MLLT3: variants seen among roughly 807,000 people sequenced by gnomAD.
MLLT3 encodes MLLT3 super elongation complex subunit.
MLLT3 carries 4 observed loss-of-function variants against 53.2 expected under a neutral mutation model. The observed-to-expected ratio is 0.08, with a 90% CI of 0.04 to 0.17. The LOEUF is 0.17. MLLT3 is among the 10% of genes least tolerant of loss of function. The pLI is 1.00. For missense variants in MLLT3, 569 were observed against 684.0 expected (o/e 0.83, Z 1.87); for synonymous variants, 283 against 230.6 (o/e 1.23, Z -2.06).
intron 2 of MLLT3, among the ~76,000 whole-genome samples, chr9:20,510,555 T>G: frequency 7.0e-6 from 1 of 142,182 alleles, no homozygotes; most frequent in African/African-American, 2.7e-5. Flanking sequence ...GAGGTTGCAG[T>G]GAGCCAAGAT....
intron 2 of MLLT3, among the ~76,000 whole-genome samples, chr9:20,606,409 C>T (rs898703393): frequency 2.6e-5 from 4 of 151,976 alleles, no homozygotes; most frequent in African/African-American, 7.2e-5. Flanking sequence ...AGGTTCCTGC[C>T]GTACCCCCTT....
chr9:20,594,492 G>T (rs1450460859), intron 2 of MLLT3, among the ~76,000 whole-genome samples: 2 of 152,164 alleles, frequency 1.3e-5, no homozygotes, highest in African/African-American at 4.8e-5. Flanking sequence ...GGGGCAATAT[G>T]TCAGAGGTGT....
chr9:20,401,113 C>T (rs1439742036), intron 5 of MLLT3, among the ~76,000 whole-genome samples: 7 of 152,004 alleles, frequency 4.6e-5, no homozygotes, highest in Admixed American at 2.0e-4. Context: ...GAATCATAAG[C>T]AAATGAAATA....
intron 2 of MLLT3, among the ~76,000 whole-genome samples, chr9:20,558,619 TAC>T (rs1819122774): frequency 1.3e-5 from 2 of 152,298 alleles, no homozygotes; most frequent in Admixed American, 6.5e-5. Flanking sequence ...TTGTGTGAAA[TAC>T]AGATTCCTGG....
At chr9:20,447,341 G>C (rs1302737456) in intron 4 of MLLT3, among the ~76,000 whole-genome samples, 2 of 152,138 alleles carry the variant, frequency 1.3e-5, no homozygotes, top group African/African-American at 4.8e-5. Flanking sequence ...GATGATCCTG[G>C]AGAAAAGAAC....
chr9:20,352,347 G>T (rs558795332), intron 10 of MLLT3, among the ~76,000 whole-genome samples: 20 of 152,320 alleles, frequency 1.3e-4, no homozygotes, highest in African/African-American at 4.1e-4. Context: ...GAAAGATCAT[G>T]CAATAGATCT....
intron 2 of MLLT3, among the ~76,000 whole-genome samples, chr9:20,461,464 T>G (rs1424794783): frequency 1.3e-5 from 2 of 152,144 alleles, no homozygotes; most frequent in African/African-American, 4.8e-5. Context: ...AAGTCCTTAC[T>G]GAAAATTTTA....
intron 2 of MLLT3, among the ~76,000 whole-genome samples, chr9:20,517,019 C>A (rs989269571): frequency 6.6e-6 from 1 of 152,096 alleles, no homozygotes; most frequent in Non-Finnish European, 1.5e-5. Flanking sequence ...TATACTTACG[C>A]AGTTTTTGTA....
intron 2 of MLLT3, among the ~76,000 whole-genome samples, chr9:20,608,600 T>C (rs927807358): frequency 6.6e-6 from 1 of 152,050 alleles, no homozygotes; most frequent in African/African-American, 2.4e-5. Context: ...TTATGAAACA[T>C]TGTGCAAATA....
At position 20,507,136 on chromosome 9, in the gene MLLT3, G is replaced by C. The variant is rs1172563990; in HGVS notation, c.194-50350C>G. Among the ~76,000 whole-genome samples, 6 of 152,170 alleles carry C rather than the reference G, an allele frequency of 3.9e-5. 1 individual carries two copies. In the East Asian group the frequency reaches 1.2e-3, roughly 29 times the overall value. On this transcript the variant is annotated intron_variant, in intron 2 of 10. Transcript: ENST00000380338. ...CGGTGTCTACATTTGAAAGAGAACT[G>C]TTTCTTAAAACATCACTTTAGCAGT... is the stretch of plus-strand genomic sequence containing the variant.
chr9:20,512,548 T>C (rs1817781439), intron 2 of MLLT3, among the ~76,000 whole-genome samples: 1 of 152,176 alleles, frequency 6.6e-6, no homozygotes, highest in Non-Finnish European at 1.5e-5. Flanking sequence ...CCCCTAACTA[T>C]ACATTATAAA....
chr9:20,588,859 G>T (rs1477053977), intron 2 of MLLT3, among the ~76,000 whole-genome samples: 1 of 151,956 alleles, frequency 6.6e-6, no homozygotes, highest in Non-Finnish European at 1.5e-5. Flanking sequence ...GGCCATCAGA[G>T]AAATGCAAAT....
rs2118776327 is a variant in MLLT3 at position 20,414,152 on chromosome 9, A to T, written c.694T>A (p.Ser232Thr). 1 of 1,614,060 alleles carries T rather than the reference A, an allele frequency of 6.2e-7. No individual in the cohort carries two copies. The highest frequency in any genetic ancestry group is 8.5e-7 in the Non-Finnish European group (1 of 1,179,974). The change falls in exon 5 of 11, where the codon TCC (serine) becomes ACC (threonine). Residue 232 changes from serine to threonine, a missense_variant. Transcript: ENST00000380338. ...SRDHNKSSKE[S>T]SKKPKENKPL... ...TTATTTTCTTTGGGTTTCTTAGAGG[A>T]TTCTTTGGAAGATTTGTTGTGATCC...
intron 4 of MLLT3, among the ~76,000 whole-genome samples, chr9:20,439,903 C>CAA (rs1823502386): frequency 1.3e-5 from 2 of 152,066 alleles, no homozygotes. Flanking sequence ...ATACTTATTT[C>CAA]AAAATCAGGG....
At chr9:20,437,518 T>G (rs575948484) in intron 4 of MLLT3, among the ~76,000 whole-genome samples, 18 of 152,232 alleles carry the variant, frequency 1.2e-4, no homozygotes, top group African/African-American at 3.9e-4. Context: ...AACCTGACCC[T>G]GGGAGAGGGT....
intron 4 of MLLT3, among the ~76,000 whole-genome samples, chr9:20,438,408 C>T (rs1823460773): frequency 6.6e-6 from 1 of 151,962 alleles, no homozygotes; most frequent in South Asian, 2.1e-4. Flanking sequence ...GGAGAGGTAG[C>T]AGCACTTTAC....
intron 2 of MLLT3, among the ~76,000 whole-genome samples, chr9:20,469,108 T>C (rs1188733490): frequency 6.6e-6 from 1 of 152,216 alleles, no homozygotes; most frequent in Non-Finnish European, 1.5e-5. Flanking sequence ...TAGATTTTCA[T>C]TGTTTCCATT....
intron 2 of MLLT3, among the ~76,000 whole-genome samples, chr9:20,499,761 C>T (rs1825170903): frequency 6.6e-6 from 1 of 152,158 alleles, no homozygotes; most frequent in Non-Finnish European, 1.5e-5. Context: ...TTTAAGATCT[C>T]TATTGTTCTG....
At chr9:20,537,177 T>C (rs538409852) in intron 2 of MLLT3, among the ~76,000 whole-genome samples, 1 of 152,162 alleles carries the variant, frequency 6.6e-6, no homozygotes, top group African/African-American at 2.4e-5. Context: ...TTATACATTC[T>C]GAAATAGGTT....
Sources: gnomAD v4.1 joint callset for allele counts (sites outside exome capture counted in the v4.1 genomes callset) on GRCh38, gnomAD v4.1.1 for gene constraint, MANE v1.5 for transcripts, NCBI Gene and HGNC (gene_info 2026-07-23, HGNC 2026-07-21) for gene names.